Variants in CSE1L observed in about 807,000 individuals in gnomAD.
CSE1L encodes the protein chromosome segregation 1 like.
In CSE1L, 24 loss-of-function variants were observed where a neutral mutation model predicts 120.4. The ratio of observed to expected loss-of-function variants is 0.20; its 90% CI spans 0.14 to 0.28. The LOEUF (loss-of-function observed/expected upper bound fraction) is 0.28, where lower values mean the gene tolerates loss of function less well. CSE1L is among the 10% of genes least tolerant of loss of function. The pLI is 1.00. For synonymous variants in CSE1L, 402 were observed against 398.3 expected, an observed-to-expected ratio of 1.01 and a Z score of -0.11; for missense variants, 830 against 1,145.2, an observed-to-expected ratio of 0.72 and a Z score of 3.97.
intron 22 of CSE1L, among the ~76,000 whole-genome samples, chr20:49,092,995 G>A (rs533184542): frequency 6.6e-6 from 1 of 152,296 alleles, no homozygotes; most frequent in Non-Finnish European, 1.5e-5. Context: ...TGCAAAGAAT[G>A]TATTTAGGTG....
At chr20:49,072,802 ATTTATTTC>A in intron 10 of CSE1L, 105 bp downstream of exon 10, 1 of 1,137,106 alleles carries the variant, frequency 8.8e-7, no homozygotes, top group Non-Finnish European at 1.2e-6. Context: ...CTTGTATGTC[ATTTATTTC>A]TTATTTTCTA....
intron 15 of CSE1L, 80 bp from the exon 16 acceptor site, chr20:49,085,203 G>A (rs1387003691): frequency 2.0e-6 from 2 of 976,830 alleles, no homozygotes; most frequent in Non-Finnish European, 3.3e-6. Flanking sequence ...TGAGAAGGGT[G>A]ACATAGTGGT....
intron 13 of CSE1L, 49 bp from the exon 14 acceptor site, chr20:49,078,512 A>T: frequency 7.9e-7 from 1 of 1,273,180 alleles, no homozygotes; most frequent in Non-Finnish European, 1.1e-6. Flanking sequence ...ATTTGGAAGT[A>T]ATGATCCTTA....
chr20:49,047,868 A>G (rs562984316), intron 1 of CSE1L, among the ~76,000 whole-genome samples: 13 of 151,878 alleles, frequency 8.6e-5, no homozygotes, highest in Non-Finnish European at 1.9e-4. Context: ...TAGTTACTTC[A>G]TAGCATTTAC....
At chr20:49,080,270 G>GTT (rs796381414) in intron 14 of CSE1L, among the ~76,000 whole-genome samples, 18 of 130,240 alleles carry the variant, frequency 1.4e-4, no homozygotes, top group South Asian at 2.6e-4. Flanking sequence ...TATTTTTTTT[G>GTT]TTTTTTTTTT....
At chr20:49,078,489 G>C in intron 13 of CSE1L, 72 bp from the exon 14 acceptor site, 1 of 967,370 alleles carries the variant, frequency 1.0e-6, no homozygotes, top group Non-Finnish European at 1.6e-6. Flanking sequence ...TTATAACTCT[G>C]ATGATGTCAC....
intron 1 of CSE1L, among the ~76,000 whole-genome samples, chr20:49,057,688 A>G (rs951454717): frequency 6.6e-6 from 1 of 151,982 alleles, no homozygotes; most frequent in Non-Finnish European, 1.5e-5. Flanking sequence ...CTGCAGTGCT[A>G]TGGTGCGATC....
At chr20:49,059,694 A>G (rs1221311943) in intron 2 of CSE1L, among the ~76,000 whole-genome samples, 2 of 151,810 alleles carry the variant, frequency 1.3e-5, no homozygotes, top group Admixed American at 6.6e-5. Flanking sequence ...CGTGGCTAAT[A>G]TGGTGAAACC....
intron 1 of CSE1L, among the ~76,000 whole-genome samples, chr20:49,047,499 C>T (rs1308858593): frequency 6.6e-6 from 1 of 151,480 alleles, no homozygotes; most frequent in Non-Finnish European, 1.5e-5. Context: ...CCAAGTTTCC[C>T]TCACCTTAGG....
At chr20:49,096,292 T>A in intron 24 of CSE1L, 57 bp from the exon 25 acceptor site, 9 of 1,350,640 alleles carry the variant, frequency 6.7e-6, no homozygotes, top group Non-Finnish European at 9.6e-6. Flanking sequence ...GAAGATGGGG[T>A]TTGTATTGGC....
At chr20:49,063,058 T>A (rs763386333) in intron 2 of CSE1L, 144 bp from the exon 3 acceptor site, 24 of 318,316 alleles carry the variant, frequency 7.5e-5, no homozygotes, top group Admixed American at 1.5e-4. Context: ...ATCCACTTAA[T>A]AGATAAGAAA....
rs76644354 is a variant in CSE1L at position 49,091,973 on chromosome 20, T to C, written c.2366-73T>C. On this transcript the variant is annotated intron_variant, in intron 21 of 24. Transcript: ENST00000262982. ...ATGTTAATGATTAAGCATAGGTTTATTTTGCAGACTTATCAGTTACCAGTT... is the reference window on the plus strand; with the variant it reads ...ATGTTAATGATTAAGCATAGGTTTACTTTGCAGACTTATCAGTTACCAGTT... 3.0e-4 allele frequency: 241 copies of C among 790,694 alleles called. No homozygotes were observed. The African/African-American group carries it at 3.9e-3, about 13-fold the overall frequency. The allele number at this position is 790,694 out of a possible 1,614,324, so 49.0% of individuals were successfully genotyped here.
At position 49,090,785 on chromosome 20, in the gene CSE1L, C is replaced by T; in HGVS notation, c.2225C>T (p.Ala742Val). ...GVFQKLIASK[A>V]NDHQGFYLLN... ...TTTCAGAAGCTGATTGCATCCAAAG[C>T]AAATGACCACCAAGGTTTTTATCTT... The change falls in exon 20 of 25, where the codon GCA becomes GTA. Residue 742 changes from alanine to valine, a missense_variant. Coordinates refer to ENST00000262982, the MANE Select transcript of CSE1L (RefSeq NM_001316.4). 6.2e-7 allele frequency: 1 copy of T among 1,614,006 alleles called. No homozygotes were observed. The highest frequency in any genetic ancestry group is 8.5e-7 in the Non-Finnish European group (1 of 1,179,948).
chr20:49,054,530 T>G (rs529033361), intron 1 of CSE1L, among the ~76,000 whole-genome samples: 3 of 152,320 alleles, frequency 2.0e-5, no homozygotes, highest in Admixed American at 6.5e-5. Flanking sequence ...AATCTGATCT[T>G]TATTTATTAA....
chr20:49,085,152 T>C (rs941196798), intron 15 of CSE1L, 131 bp from the exon 16 acceptor site: 38 of 686,814 alleles, frequency 5.5e-5, no homozygotes, highest in Non-Finnish European at 1.0e-5. Context: ...TCCTAAACTG[T>C]CTATCAATTG....
At chr20:49,061,844 G>C (rs1216904185) in intron 2 of CSE1L, among the ~76,000 whole-genome samples, 1 of 151,908 alleles carries the variant, frequency 6.6e-6, no homozygotes, top group Non-Finnish European at 1.5e-5. Context: ...GAGTTCTGTT[G>C]CTTTATGTAT....
chr20:49,048,146 CTT>C (rs34878925), intron 1 of CSE1L, among the ~76,000 whole-genome samples: 62 of 128,672 alleles, frequency 4.8e-4, no homozygotes, highest in Non-Finnish European at 5.2e-4. Context: ...GTGTCTCTCT[CTT>C]TTTTTTTTTT....
chr20:49,078,324 G>A (rs555874611), intron 13 of CSE1L, among the ~76,000 whole-genome samples: 1 of 152,276 alleles, frequency 6.6e-6, no homozygotes, highest in South Asian at 2.1e-4. Context: ...GCATGGTCCA[G>A]CTCATTTTTA....
intron 1 of CSE1L, among the ~76,000 whole-genome samples, chr20:49,056,264 C>T (rs1198918940): frequency 2.6e-5 from 4 of 152,138 alleles, no homozygotes; most frequent in Non-Finnish European, 2.9e-5. Context: ...TGCCACCATG[C>T]CCGGCTGATT....
Sources: gnomAD v4.1 joint callset for allele counts (sites outside exome capture counted in the v4.1 genomes callset) on GRCh38, gnomAD v4.1.1 for gene constraint, MANE v1.5 for transcripts, NCBI Gene and HGNC (gene_info 2026-07-23, HGNC 2026-07-21) for gene names.